Variants in PCDH15 observed in about 807,000 individuals in gnomAD.
PCDH15 encodes the protein protocadherin-15.
A neutral mutation model predicts 178.5 loss-of-function variants in PCDH15; 129 were observed. That is an observed-to-expected ratio of 0.72 (90% CI 0.63 to 0.84). The LOEUF (loss-of-function observed/expected upper bound fraction) is 0.84, where lower values mean the gene tolerates loss of function less well. Ranked by LOEUF, PCDH15 falls within the 40% of genes least tolerant of loss-of-function variation. The pLI is 0.00. For missense variants in PCDH15, 2,230 were observed against 2,099.9 expected (o/e 1.06, Z -1.21); for synonymous variants, 800 against 732.0 (o/e 1.09, Z -1.50).
intron 2 of PCDH15, among the ~76,000 whole-genome samples, chr10:55,509,575 G>A (rs1048588331): frequency 3.3e-5 from 5 of 151,690 alleles, no homozygotes; most frequent in South Asian, 4.1e-4. Flanking sequence ...TGATTTATAC[G>A]GCTGTCCCAT....
intron 3 of PCDH15, among the ~76,000 whole-genome samples, chr10:54,519,581 G>T (rs1391190732): frequency 2.0e-5 from 3 of 152,100 alleles, no homozygotes. Context: ...ACAAATGGAA[G>T]AACATTCCAT....
chr10:54,075,221 C>CA (rs1371298039), intron 17 of PCDH15, among the ~76,000 whole-genome samples: 4 of 151,748 alleles, frequency 2.6e-5, no homozygotes, highest in Admixed American at 6.6e-5. Flanking sequence ...CCTAAAACTC[C>CA]AAAAAAATAG....
At chr10:55,537,372 CCTG>C (rs1467743894) in intron 2 of PCDH15, among the ~76,000 whole-genome samples, 1 of 151,866 alleles carries the variant, frequency 6.6e-6, no homozygotes. Flanking sequence ...ATACTGAACA[CCTG>C]CTATTTACTT....
intron 16 of PCDH15, among the ~76,000 whole-genome samples, chr10:54,085,594 C>A (rs1171768156): frequency 5.3e-5 from 8 of 152,102 alleles, no homozygotes; most frequent in African/African-American, 1.7e-4. Context: ...TAGAAAAATG[C>A]ATTATATTAG....
chr10:55,448,955 C>A (rs1287408745), intron 2 of PCDH15, among the ~76,000 whole-genome samples: 2 of 151,976 alleles, frequency 1.3e-5, no homozygotes. Context: ...AGGTTTGATT[C>A]TATCATCTTA....
intron 2 of PCDH15, among the ~76,000 whole-genome samples, chr10:55,012,275 A>C: frequency 6.6e-6 from 1 of 152,094 alleles, no homozygotes; most frequent in Non-Finnish European, 1.5e-5. Context: ...TCAGTCATAT[A>C]AGTTTTGAGT....
rs1237035961 is a variant in PCDH15 at position 53,805,567 on chromosome 10, AAGTT to A, written c.*1008_*1011del. 6.6e-6 allele frequency: 1 copy of A among 152,018 alleles called. No homozygotes were observed. Among genetic ancestry groups the A allele is most frequent in the African/African-American group, 2.4e-5 (1 of 41,360 alleles). 9.4% of individuals were successfully genotyped at this position (152,018 alleles called of 1,614,324 possible). A position where few individuals can be genotyped will look rare whatever the true frequency, so the allele number is the denominator to read the frequency against. On this transcript the variant is annotated 3_prime_UTR_variant, in exon 38 of 38. Coordinates refer to ENST00000644397, the MANE Select transcript of PCDH15 (RefSeq NM_001384140.1). The stretch of plus-strand genomic sequence containing the variant: ...TCTATAAATAACCTGAAAATGGAAG[AAGTT>A]AAACACAACATTTGAAGTTATGAAT...
At chr10:54,446,075 T>C (rs977939451) in intron 3 of PCDH15, among the ~76,000 whole-genome samples, 3 of 151,580 alleles carry the variant, frequency 2.0e-5, no homozygotes, top group Non-Finnish European at 3.0e-5. Context: ...TCACCTGGCT[T>C]AAAAGTAAAA....
At chr10:55,219,438 G>C (rs1222279374) in intron 1 of PCDH15, among the ~76,000 whole-genome samples, 1 of 151,802 alleles carries the variant, frequency 6.6e-6, no homozygotes, top group Non-Finnish European at 1.5e-5. Context: ...TTTATGGTCA[G>C]ATATATGTAC....
intron 2 of PCDH15, among the ~76,000 whole-genome samples, chr10:55,531,174 C>T (rs760091438): frequency 6.6e-6 from 1 of 151,954 alleles, no homozygotes; most frequent in Non-Finnish European, 1.5e-5. Flanking sequence ...CACAAATCTG[C>T]ATAAAAGATG....
Position 55,199,878 on chromosome 10 carries a change from G to A in PCDH15, c.-155-33227C>T, listed in dbSNP as rs145682222. ...TCCACATGGTGTTGGGCCTTCGGGT[G>A]CACAGAAAGCAAGAATTAAGGTTTG... On this transcript the variant is annotated intron_variant, in intron 1 of 5. Transcript: ENST00000458638. 5.2e-3 allele frequency among the ~76,000 whole-genome samples: 787 copies of A among 152,222 alleles called. 4 individuals carry two copies. The highest frequency in any genetic ancestry group is 8.5e-3 in the Non-Finnish European group (579 of 68,012).
intron 13 of PCDH15, among the ~76,000 whole-genome samples, chr10:54,171,279 C>G (rs1278254562): frequency 3.3e-5 from 5 of 152,118 alleles, no homozygotes; most frequent in African/African-American, 1.2e-4. Flanking sequence ...GACTAAAGGT[C>G]TTTTAAAAAT....
chr10:55,095,193 C>T (rs1465525267), intron 2 of PCDH15, among the ~76,000 whole-genome samples: 1 of 152,008 alleles, frequency 6.6e-6, no homozygotes, highest in East Asian at 1.9e-4. Flanking sequence ...CCTCCCACCT[C>T]AGCCTTCCAA....
intron 3 of PCDH15, among the ~76,000 whole-genome samples, chr10:54,421,870 C>T (rs61853569): frequency 1.5e-5 from 1 of 64,630 alleles, no homozygotes; most frequent in Non-Finnish European, 3.0e-5. Context: ...TATACACACA[C>T]TATATATATA....
intron 2 of PCDH15, among the ~76,000 whole-genome samples, chr10:55,066,264 T>C (rs1841561772): frequency 6.6e-6 from 1 of 151,444 alleles, no homozygotes; most frequent in Non-Finnish European, 1.5e-5. Flanking sequence ...AATAAAAGAA[T>C]CAATTCTCTG....
At chr10:54,202,907 C>G (rs2050400197) in intron 10 of PCDH15, among the ~76,000 whole-genome samples, 1 of 151,628 alleles carries the variant, frequency 6.6e-6, no homozygotes, top group Non-Finnish European at 1.5e-5. Context: ...CCATTTTTAT[C>G]AAACTGTCTG....
At chr10:54,564,836 A>G (rs1190082028) in intron 2 of PCDH15, among the ~76,000 whole-genome samples, 1 of 152,154 alleles carries the variant, frequency 6.6e-6, no homozygotes, top group Non-Finnish European at 1.5e-5. Flanking sequence ...ACCCTCAAAA[A>G]ATTACTCTAC....
intron 26 of PCDH15, among the ~76,000 whole-genome samples, chr10:53,884,298 A>G (rs1019377213): frequency 6.6e-6 from 1 of 152,206 alleles, no homozygotes; most frequent in African/African-American, 2.4e-5. Flanking sequence ...AAGTTGACTC[A>G]GTGCCCTGCT....
At chr10:54,862,570 C>A (rs1190159841) in intron 3 of PCDH15, among the ~76,000 whole-genome samples, 1 of 152,154 alleles carries the variant, frequency 6.6e-6, no homozygotes, top group Non-Finnish European at 1.5e-5. Context: ...GAGGTAGGGT[C>A]TAGTGGGAGC....
Sources: gnomAD v4.1 joint callset for allele counts (sites outside exome capture counted in the v4.1 genomes callset) on GRCh38, gnomAD v4.1.1 for gene constraint, MANE v1.5 for transcripts, NCBI Gene and HGNC (gene_info 2026-07-23, HGNC 2026-07-21) for gene names.